The following FMN2 variants were observed in gnomAD, a reference collection of about 807,000 sequenced individuals.
FMN2 encodes the protein formin 2.
In FMN2, 51 loss-of-function variants were observed where a neutral mutation model predicts 142.3. The ratio of observed to expected loss-of-function variants is 0.36; its 90% CI spans 0.29 to 0.45. The LOEUF (loss-of-function observed/expected upper bound fraction) is 0.45, where lower values mean the gene tolerates loss of function less well. Ranked by LOEUF, FMN2 falls within the 20% of genes least tolerant of loss-of-function variation. The pLI is 1.00. For missense variants in FMN2, 1,936 were observed against 2,122.8 expected (o/e 0.91, Z 1.73); for synonymous variants, 882 against 869.8 (o/e 1.01, Z -0.25).
At chr1:240,245,189 A>T (rs1163884143) in intron 6 of FMN2, 1 of 270,332 alleles carries the variant, frequency 3.7e-6, no homozygotes, top group Non-Finnish European at 7.3e-6. Context: ...TGTCCACTGA[A>T]TAGTCAGAGT....
chr1:240,392,670 A>G, intron 15 of FMN2, 108 bp downstream of exon 15: 1 of 847,696 alleles, frequency 1.2e-6, no homozygotes, highest in Non-Finnish European at 1.8e-6. Flanking sequence ...GCATAAAACA[A>G]AAATAAATCT....
At chr1:240,187,360 A>G (rs989291453) in intron 3 of FMN2, among the ~76,000 whole-genome samples, 1 of 151,742 alleles carries the variant, frequency 6.6e-6, no homozygotes, top group Non-Finnish European at 1.5e-5. Flanking sequence ...TCTGCATGCC[A>G]GTCAGGGGTG....
chr1:240,426,452 A>G (rs1218106868), intron 15 of FMN2, among the ~76,000 whole-genome samples: 6 of 152,154 alleles, frequency 3.9e-5, no homozygotes, highest in Admixed American at 2.0e-4. Flanking sequence ...GTGTATAGCT[A>G]TTACTTTGTG....
At chr1:240,431,429 T>C (rs1387140070) in intron 15 of FMN2, among the ~76,000 whole-genome samples, 1 of 148,442 alleles carries the variant, frequency 6.7e-6, no homozygotes, top group Non-Finnish European at 1.5e-5. Context: ...TATATACATA[T>C]ATATACACAC....
intron 7 of FMN2, among the ~76,000 whole-genome samples, chr1:240,274,875 T>C (rs1669139450): frequency 6.6e-6 from 1 of 152,060 alleles, no homozygotes; most frequent in African/African-American, 2.4e-5. Flanking sequence ...TTTACTGAGA[T>C]AGGGAAAACT....
chr1:240,410,761 T>C (rs1341423273), intron 15 of FMN2, among the ~76,000 whole-genome samples: 2 of 152,240 alleles, frequency 1.3e-5, no homozygotes, highest in East Asian at 3.8e-4. Context: ...TTTTTACACA[T>C]GTATATTGCT....
At chr1:240,249,595 T>G (rs1668208799) in intron 6 of FMN2, among the ~76,000 whole-genome samples, 1 of 152,128 alleles carries the variant, frequency 6.6e-6, no homozygotes, top group Non-Finnish European at 1.5e-5. Flanking sequence ...TCAGGTTTGT[T>G]TTTGGCTCCA....
chr1:240,111,315 A>G (rs1661800439), intron 1 of FMN2, among the ~76,000 whole-genome samples: 1 of 152,176 alleles, frequency 6.6e-6, no homozygotes, highest in South Asian at 2.1e-4. Flanking sequence ...TTGTACGAGA[A>G]AGAATTCAGG....
intron 16 of FMN2, 98 bp from the exon 17 acceptor site, chr1:240,472,274 C>T (rs568471188): frequency 1.1e-5 from 9 of 827,764 alleles, no homozygotes; most frequent in Middle Eastern, 4.5e-4. Flanking sequence ...TGCAGTAATT[C>T]AAATCTTTAT....
intron 15 of FMN2, among the ~76,000 whole-genome samples, chr1:240,397,010 T>C (rs1673802195): frequency 6.6e-6 from 1 of 152,206 alleles, no homozygotes; most frequent in Non-Finnish European, 1.5e-5. Flanking sequence ...AGTTCTGTTT[T>C]CAGTTCTTTG....
intron 16 of FMN2, among the ~76,000 whole-genome samples, chr1:240,446,318 C>T (rs951654238): frequency 7.2e-5 from 11 of 152,088 alleles, no homozygotes; most frequent in African/African-American, 2.2e-4. Context: ...CTAGAGAATC[C>T]GGACCAAGAG....
chr1:240,381,513 C>T (rs1673225913), intron 14 of FMN2, among the ~76,000 whole-genome samples: 1 of 152,062 alleles, frequency 6.6e-6, no homozygotes, highest in Non-Finnish European at 1.5e-5. Context: ...CACTGCAGCC[C>T]CTGCCTCACA....
At chr1:240,350,614 T>C (rs1409163706) in intron 13 of FMN2, among the ~76,000 whole-genome samples, 1 of 152,236 alleles carries the variant, frequency 6.6e-6, no homozygotes, top group African/African-American at 2.4e-5. Flanking sequence ...CAGTTGAGGC[T>C]GAGATAATTT....
intron 8 of FMN2, among the ~76,000 whole-genome samples, chr1:240,310,017 G>A (rs1049920231): frequency 2.0e-5 from 3 of 152,152 alleles, no homozygotes; most frequent in Admixed American, 6.5e-5. Context: ...TATCATGTTG[G>A]TGTAATGGTA....
At chr1:240,399,985 A>G (rs887548231) in intron 15 of FMN2, among the ~76,000 whole-genome samples, 3 of 152,164 alleles carry the variant, frequency 2.0e-5, no homozygotes, top group African/African-American at 7.2e-5. Context: ...TTTTGTTTGG[A>G]ACAGAACATG....
At chr1:240,212,787 A>G (rs1480641036) in intron 6 of FMN2, among the ~76,000 whole-genome samples, 1 of 152,172 alleles carries the variant, frequency 6.6e-6, no homozygotes, top group Non-Finnish European at 1.5e-5. Context: ...GGCGAGGAAT[A>G]TGGGTGGGGC....
chr1:240,251,220 T>C (rs1668267567), intron 6 of FMN2, among the ~76,000 whole-genome samples: 1 of 152,130 alleles, frequency 6.6e-6, no homozygotes, highest in Non-Finnish European at 1.5e-5. Flanking sequence ...TATTTTAAGC[T>C]TTCCTTTTAG....
At chr1:240,363,137 A>G (rs1672549246) in intron 14 of FMN2, among the ~76,000 whole-genome samples, 1 of 152,236 alleles carries the variant, frequency 6.6e-6, no homozygotes, top group African/African-American at 2.4e-5. Flanking sequence ...AGCCTAGTAG[A>G]AGAGAATATC....
chr1:240,103,936 G>A (rs1337728795), intron 1 of FMN2, among the ~76,000 whole-genome samples: 1 of 151,724 alleles, frequency 6.6e-6, no homozygotes, highest in Non-Finnish European at 1.5e-5. Context: ...GAGTGCAGTG[G>A]TGCGATCTCG....
Sources: gnomAD v4.1 joint callset for allele counts (sites outside exome capture counted in the v4.1 genomes callset) on GRCh38, gnomAD v4.1.1 for gene constraint, MANE v1.5 for transcripts, NCBI Gene and HGNC (gene_info 2026-07-23, HGNC 2026-07-21) for gene names.